SLC35D4: variants seen among roughly 807,000 people sequenced by gnomAD.
The protein encoded by SLC35D4 is UDP-N-acetylglucosamine transporter SLC35D4.
chr18:23,366,033 T>C, the SLC35D4 span, among the ~76,000 whole-genome samples: 1 of 152,234 alleles, frequency 6.6e-6, no homozygotes. Flanking sequence ...GCTTGCAATG[T>C]AAAAGCTAGC....
the SLC35D4 span, among the ~76,000 whole-genome samples, chr18:23,344,690 C>A: frequency 6.6e-5 from 10 of 150,778 alleles, no homozygotes; most frequent in Non-Finnish European, 1.3e-4. Flanking sequence ...CAAGCTCTGC[C>A]TCCTGGGTTC....
At chr18:23,313,126 C>CAAAAAAAAAAAAAAAAAAAAAAA in the SLC35D4 span, among the ~76,000 whole-genome samples, 19 of 29,490 alleles carry the variant, frequency 6.4e-4, 5 homozygotes, top group Non-Finnish European at 9.8e-4. Flanking sequence ...GACTACATCT[C>CAAAAAAAAAAAAAAAAAAAAAAA]AAAAAAAAAA....
At chr18:23,371,454 T>C in the SLC35D4 span, 1 of 1,597,458 alleles carries the variant, frequency 6.3e-7, no homozygotes, top group Non-Finnish European at 8.5e-7. Flanking sequence ...AGCCCAAAAA[T>C]ATCCATCTGG....
chr18:23,331,624 T>C, the SLC35D4 span: 1 of 152,918 alleles, frequency 6.5e-6, no homozygotes, highest in East Asian at 1.9e-4. Flanking sequence ...GAATCTCAAG[T>C]ACATGGCTTG....
At chr18:23,426,534 A>C in the SLC35D4 span, among the ~76,000 whole-genome samples, 2 of 152,052 alleles carry the variant, frequency 1.3e-5, no homozygotes, top group Non-Finnish European at 2.9e-5. Context: ...AAACAAATGG[A>C]AGAATATTCC....
chr18:23,269,460 C>T, the SLC35D4 span, among the ~76,000 whole-genome samples: 2 of 152,208 alleles, frequency 1.3e-5, no homozygotes, highest in African/African-American at 4.8e-5. Context: ...AAATTACCCA[C>T]TCTTGGGCAT....
the SLC35D4 span, among the ~76,000 whole-genome samples, chr18:23,300,400 T>G: frequency 6.6e-6 from 1 of 152,080 alleles, no homozygotes; most frequent in East Asian, 1.9e-4. Flanking sequence ...GCTCGGACAT[T>G]TTATACACTT....
chr18:23,424,810 T>A, the SLC35D4 span, among the ~76,000 whole-genome samples: 9 of 152,132 alleles, frequency 5.9e-5, no homozygotes, highest in Non-Finnish European at 1.2e-4. Context: ...ATGGAGTACA[T>A]GCCACTGTAC....
the SLC35D4 span, among the ~76,000 whole-genome samples, chr18:23,315,741 G>A: frequency 7.9e-5 from 12 of 152,096 alleles, no homozygotes; most frequent in African/African-American, 2.2e-4. Context: ...CTCACAGAGC[G>A]GATCTAAGCC....
the SLC35D4 span, among the ~76,000 whole-genome samples, chr18:23,314,856 C>T: frequency 3.3e-5 from 5 of 152,244 alleles, no homozygotes; most frequent in African/African-American, 9.6e-5. Context: ...GAACTCAATA[C>T]GAGGTGTCAG....
chr18:23,386,940 C>T, the SLC35D4 span, among the ~76,000 whole-genome samples: 5 of 152,256 alleles, frequency 3.3e-5, no homozygotes, highest in East Asian at 5.8e-4. Context: ...GACAGAGTCT[C>T]GCTCTGCCGC....
At chr18:23,280,162 G>A in the SLC35D4 span, among the ~76,000 whole-genome samples, 4 of 152,266 alleles carry the variant, frequency 2.6e-5, no homozygotes, top group East Asian at 1.9e-4. Context: ...TGCAGGCAGC[G>A]GGGCTGAGCT....
chr18:23,335,410 G>A, the SLC35D4 span, among the ~76,000 whole-genome samples: 5 of 152,172 alleles, frequency 3.3e-5, no homozygotes, highest in African/African-American at 9.7e-5. Context: ...ACAGGCCATA[G>A]GTCCTGGCCA....
the SLC35D4 span, among the ~76,000 whole-genome samples, chr18:23,414,331 A>AAGGAAGGC: frequency 0.089 from 12,431 of 139,894 alleles, 750 homozygotes; most frequent in Middle Eastern, 0.17. Context: ...GGAAGGAAGG[A>AAGGAAGGC]AGGCAGGCAG....
At chr18:23,307,101 A>G in the SLC35D4 span, among the ~76,000 whole-genome samples, 1 of 152,250 alleles carries the variant, frequency 6.6e-6, no homozygotes, top group Non-Finnish European at 1.5e-5. Flanking sequence ...TGGGTTACAC[A>G]TGCCTGGCCA....
the SLC35D4 span, among the ~76,000 whole-genome samples, chr18:23,403,902 G>A: frequency 6.6e-6 from 1 of 152,130 alleles, no homozygotes; most frequent in Admixed American, 6.5e-5. Flanking sequence ...GGCAGATCAC[G>A]AGGTCAGGTG....
the SLC35D4 span, among the ~76,000 whole-genome samples, chr18:23,313,108 C>T: frequency 1.0e-5 from 1 of 99,622 alleles, no homozygotes; most frequent in African/African-American, 3.7e-5. Flanking sequence ...GCCTATGTGA[C>T]AGAGCGAGAC....
the SLC35D4 span, among the ~76,000 whole-genome samples, chr18:23,373,505 G>A: frequency 2.6e-5 from 4 of 152,264 alleles, no homozygotes; most frequent in South Asian, 4.1e-4. Context: ...TGCAGGCCAC[G>A]ATGCCTGCAG....
At chr18:23,411,102 G>A in the SLC35D4 span, among the ~76,000 whole-genome samples, 2 of 151,144 alleles carry the variant, frequency 1.3e-5, no homozygotes, top group Non-Finnish European at 2.9e-5. Context: ...TGTGGTGTGC[G>A]GGCCTCTAGG....
Sources: allele counts gnomAD v4.1 joint callset (sites outside exome capture counted in the v4.1 genomes callset), GRCh38; gene constraint gnomAD v4.1.1; transcripts MANE v1.5; gene names NCBI Gene and HGNC (gene_info 2026-07-23, HGNC 2026-07-21).